TMEM182: variants seen among roughly 807,000 people sequenced by gnomAD.
TMEM182 encodes transmembrane protein 182.
Under a neutral mutation model 26.8 loss-of-function variants are expected in TMEM182, and 20 were observed. The ratio of observed to expected loss-of-function variants is 0.75; its 90% CI spans 0.53 to 1.09. The LOEUF (loss-of-function observed/expected upper bound fraction) is 1.09, where lower values mean the gene tolerates loss of function less well. Ranked by LOEUF, TMEM182 falls within the 50% of genes least tolerant of loss-of-function variation. TMEM182 has a pLI of 0.00. For synonymous variants in TMEM182, 109 were observed against 102.2 expected, an observed-to-expected ratio of 1.07 and a Z score of -0.40; for missense variants, 277 against 275.5, an observed-to-expected ratio of 1.01 and a Z score of -0.04.
chr2:102,758,247 G>A (rs1052593042), upstream of TMEM182: 1 of 490,094 alleles, frequency 2.0e-6, no homozygotes, highest in East Asian at 3.3e-5. Flanking sequence ...AGAGAGAAAG[G>A]GAAGAGAGAA....
chr2:102,815,892 G>A lies in TMEM182; in HGVS notation c.*924G>A, dbSNP rs2104760483. 1 of 937,478 alleles carries A rather than the reference G, an allele frequency of 1.1e-6. No homozygotes were observed. 58.1% of individuals were successfully genotyped at this position (937,478 alleles called of 1,614,324 possible). A position where few individuals can be genotyped will look rare whatever the true frequency, so the allele number is the denominator to read the frequency against. Reference sequence around the variant, plus strand: ...ATAAACTTTCAACGTACTTCCATATGAGGATTATAATAGCCCTGCTTTATT... The same window carrying A: ...ATAAACTTTCAACGTACTTCCATATAAGGATTATAATAGCCCTGCTTTATT... On this transcript the variant is annotated 3_prime_UTR_variant, in exon 5 of 5. Coordinates refer to ENST00000412401, the MANE Select transcript of TMEM182 (RefSeq NM_144632.5).
intron 3 of TMEM182, among the ~76,000 whole-genome samples, chr2:102,772,337 G>A (rs1317169726): frequency 6.6e-6 from 1 of 152,102 alleles, no homozygotes; most frequent in South Asian, 2.1e-4. Context: ...TCATTATAGC[G>A]GGGAGGCTAA....
intron 3 of TMEM182, among the ~76,000 whole-genome samples, chr2:102,795,559 C>T (rs1274430814): frequency 6.6e-6 from 1 of 152,056 alleles, no homozygotes; most frequent in African/African-American, 2.4e-5. Flanking sequence ...GTGCTGTGCA[C>T]CCTGGGGCGC....
chr2:102,782,175 C>T (rs542536947), intron 3 of TMEM182, among the ~76,000 whole-genome samples: 29 of 151,820 alleles, frequency 1.9e-4, no homozygotes, highest in African/African-American at 4.1e-4. Flanking sequence ...GTGTGGTGGC[C>T]GGTGCATGTA....
intron 1 of TMEM182, among the ~76,000 whole-genome samples, chr2:102,752,616 G>A (rs1029436846): frequency 2.6e-5 from 4 of 152,152 alleles, no homozygotes; most frequent in South Asian, 2.1e-4. Context: ...TTACAGCAAC[G>A]TGTCTCCTTG....
At chr2:102,791,136 A>G (rs1411722279) in intron 3 of TMEM182, among the ~76,000 whole-genome samples, 1 of 152,080 alleles carries the variant, frequency 6.6e-6, no homozygotes, top group African/African-American at 2.4e-5. Flanking sequence ...TAATTTCACC[A>G]TGTTGGCCAG....
intron 3 of TMEM182, chr2:102,834,505 T>A: frequency 1.1e-6 from 1 of 890,188 alleles, no homozygotes; most frequent in African/African-American, 1.8e-5. Flanking sequence ...ACCGTCTCAT[T>A]TCAACAGATA....
At chr2:102,746,824 T>C (rs999813293) in intron 1 of TMEM182, among the ~76,000 whole-genome samples, 1 of 152,170 alleles carries the variant, frequency 6.6e-6, no homozygotes, top group Non-Finnish European at 1.5e-5. Flanking sequence ...CCTGAACTTA[T>C]GATTCGCCCG....
At chr2:102,802,261 A>G (rs573605499) in intron 4 of TMEM182, among the ~76,000 whole-genome samples, 4 of 152,322 alleles carry the variant, frequency 2.6e-5, no homozygotes, top group Admixed American at 6.5e-5. Flanking sequence ...CGTGCATGGC[A>G]GAGGGATGCT....
intron 1 of TMEM182, among the ~76,000 whole-genome samples, chr2:102,738,767 T>G (rs1679457059): frequency 6.6e-6 from 1 of 152,188 alleles, no homozygotes; most frequent in African/African-American, 2.4e-5. Flanking sequence ...ATGTAATATG[T>G]TAGCTTGTGC....
chr2:102,814,084 G>A (rs1031964376), intron 4 of TMEM182, among the ~76,000 whole-genome samples: 2 of 130,324 alleles, frequency 1.5e-5, no homozygotes, highest in Non-Finnish European at 3.3e-5. Context: ...AATCTTTAGT[G>A]TGTATATATA....
At chr2:102,760,325 G>C (rs1680168313), upstream of TMEM182, among the ~76,000 whole-genome samples, 1 of 152,200 alleles carries the variant, frequency 6.6e-6, no homozygotes, top group Non-Finnish European at 1.5e-5. Context: ...ACAGACAGAG[G>C]ATTGAAACTT....
chr2:102,752,080 G>A (rs189340784), intron 1 of TMEM182, among the ~76,000 whole-genome samples: 78 of 152,282 alleles, frequency 5.1e-4, no homozygotes, highest in Middle Eastern at 3.4e-3. Flanking sequence ...ACGGGGATTA[G>A]GGCAACATAC....
chr2:102,811,058 C>A (rs1052499513), intron 4 of TMEM182, among the ~76,000 whole-genome samples: 372 of 94,358 alleles, frequency 3.9e-3, no homozygotes, highest in Middle Eastern at 6.6e-3. Context: ...TCCTCTATAG[C>A]AAAAAAAAAA....
chr2:102,753,888 A>G (rs1355531376), intron 1 of TMEM182, among the ~76,000 whole-genome samples: 2 of 152,236 alleles, frequency 1.3e-5, no homozygotes, highest in Admixed American at 6.5e-5. Context: ...TTATTGTCCT[A>G]TATAGTTTAT....
At position 102,762,570 on chromosome 2, in the gene TMEM182, C is replaced by A. The variant is rs766420946; in HGVS notation, c.133-17C>A. On this transcript the variant is annotated splice_polypyrimidine_tract_variant and intron_variant, in intron 1 of 4. Coordinates refer to ENST00000412401, the MANE Select transcript of TMEM182 (RefSeq NM_144632.5). ...TTCTTGTATTGATGGCAAGTTACTT[C>A]ATTTTGTTCTGTGCAGATAGAGAAC... 47 of 1,598,152 alleles carry A rather than the reference C, an allele frequency of 2.9e-5. 1 individual carries two copies. In the Middle Eastern group the frequency reaches 1.3e-3, roughly 45 times the overall value.
intron 3 of TMEM182, among the ~76,000 whole-genome samples, chr2:102,767,511 A>G (rs892766990): frequency 2.0e-5 from 3 of 152,158 alleles, no homozygotes; most frequent in Non-Finnish European, 4.4e-5. Flanking sequence ...AATTTTCAAG[A>G]CAATTCAACC....
intron 4 of TMEM182, among the ~76,000 whole-genome samples, chr2:102,803,039 C>T (rs752246748): frequency 9.2e-5 from 14 of 152,268 alleles, no homozygotes; most frequent in South Asian, 2.1e-4. Flanking sequence ...ACTACCTAGA[C>T]GTCTTGAGAG....
chr2:102,750,044 T>G (rs932396727), intron 1 of TMEM182, among the ~76,000 whole-genome samples: 1 of 152,082 alleles, frequency 6.6e-6, no homozygotes, highest in Non-Finnish European at 1.5e-5. Context: ...AATGTTTTTT[T>G]TTAAATGAAG....
Sources: allele counts gnomAD v4.1 joint callset (sites outside exome capture counted in the v4.1 genomes callset), GRCh38; gene constraint gnomAD v4.1.1; transcripts MANE v1.5; gene names NCBI Gene and HGNC (gene_info 2026-07-23, HGNC 2026-07-21).